The following PDE10A variants were observed in gnomAD, a reference collection of about 807,000 sequenced individuals.
The protein encoded by PDE10A is phosphodiesterase 10A, also known as cAMP and cAMP-inhibited cGMP 3',5'-cyclic phosphodiesterase 10A.
In PDE10A, 39 loss-of-function variants were observed where a neutral mutation model predicts 97.7. The observed-to-expected ratio is 0.40, with a 90% CI of 0.31 to 0.52. The LOEUF is 0.52. Among genes scored for constraint, PDE10A ranks in the 20% least tolerant of loss-of-function variants. The probability of loss-of-function intolerance (pLI) is 0.56; values close to 1 mark genes in which losing one functional copy is unlikely to be tolerated. For missense variants in PDE10A, 731 were observed against 1,047.8 expected, an observed-to-expected ratio of 0.70 and a Z score of 4.17; for synonymous variants, 371 against 376.8, an observed-to-expected ratio of 0.98 and a Z score of 0.18.
chr6:165,619,656 A>G (rs1788018224), intron 1 of PDE10A, among the ~76,000 whole-genome samples: 1 of 150,098 alleles, frequency 6.7e-6, no homozygotes, highest in Non-Finnish European at 1.5e-5. Flanking sequence ...AGTCTAGTGT[A>G]GTATAGTCTA....
chr6:165,681,162 G>T (rs1005862383), intron 1 of PDE10A, among the ~76,000 whole-genome samples: 1 of 152,122 alleles, frequency 6.6e-6, no homozygotes, highest in Non-Finnish European at 1.5e-5. Context: ...AGCGCTGCAA[G>T]GGGTAGTTCA....
intron 2 of PDE10A, among the ~76,000 whole-genome samples, chr6:165,488,695 G>A (rs1002204532): frequency 6.6e-6 from 1 of 152,096 alleles, no homozygotes; most frequent in Non-Finnish European, 1.5e-5. Context: ...GTACCCTGGG[G>A]CAAGTTCTCA....
intron 1 of PDE10A, among the ~76,000 whole-genome samples, chr6:165,777,067 C>A (rs542642546): frequency 2.3e-4 from 35 of 152,124 alleles, no homozygotes; most frequent in Non-Finnish European, 4.4e-4. Context: ...TGCTTCCCTG[C>A]GATCTTCAAA....
intron 1 of PDE10A, among the ~76,000 whole-genome samples, chr6:165,658,072 G>A (rs184644707): frequency 6.6e-6 from 1 of 152,294 alleles, no homozygotes; most frequent in East Asian, 1.9e-4. Flanking sequence ...TTCCACTGCT[G>A]AGTGTTGTTC....
At chr6:165,663,319 C>A (rs994094434), upstream of PDE10A, among the ~76,000 whole-genome samples, 2 of 152,030 alleles carry the variant, frequency 1.3e-5, no homozygotes, top group Admixed American at 6.5e-5. Context: ...CGGGACTCGG[C>A]CCCTGCGCCA....
In PDE10A at chr6:165,450,360, G is replaced by T; in HGVS notation, c.1026C>A (p.Tyr342Ter). Residue 342 changes from tyrosine (Y) to a stop codon, truncating the protein, a stop_gained and splice_region_variant, in exon 4 of 22, where the codon TAC becomes TAA. Coordinates refer to ENST00000539869, the MANE Select transcript of PDE10A (RefSeq NM_001385079.1). LOFTEE classifies it high-confidence loss of function. Reference protein sequence around the residue: ...DESAPKEVSRYQDTNMQGVVY... With the variant: ...DESAPKEVSR ...CAACTCCCTGCATATTCGTATCTTG[G>T]TACTTTGGATTAAAAATAACAAAAA... is the stretch of plus-strand genomic sequence containing the variant. 2 of 1,516,560 alleles carry T rather than the reference G, an allele frequency of 1.3e-6. No homozygotes were observed. The highest frequency in any genetic ancestry group is 1.8e-6 in the Non-Finnish European group (2 of 1,112,482). The allele number at this position is 1,516,560 out of a possible 1,614,324, so 93.9% of individuals were successfully genotyped here.
chr6:165,377,842 G>A (rs1035415094), intron 18 of PDE10A, among the ~76,000 whole-genome samples: 1 of 152,148 alleles, frequency 6.6e-6, no homozygotes, highest in South Asian at 2.1e-4. Flanking sequence ...GTGGGCTGAA[G>A]GAAAAGAAAG....
At chr6:165,871,514 G>A (rs149590473) in intron 1 of PDE10A, among the ~76,000 whole-genome samples, 3 of 152,252 alleles carry the variant, frequency 2.0e-5, no homozygotes, top group African/African-American at 7.2e-5. Context: ...CTGATTAGGT[G>A]GCACCAATTT....
rs575858507 is a variant in PDE10A, at chr6:165,719,494, G to A, written c.-614-175926C>T. Among the ~76,000 whole-genome samples the A allele has an allele frequency of 1.1e-4, 17 of 152,370 alleles. No homozygotes were observed. The East Asian group carries it at 3.1e-3, about 28-fold the overall frequency. On this transcript the variant is annotated intron_variant, in intron 1 of 19. Transcript: ENST00000366882. ...TGATTTTCACCTGGAATTCTGTACT[G>A]GTTGAACATGTTGTGGTAGGATAGA... is the stretch of plus-strand genomic sequence containing the variant.
At chr6:165,367,196 C>G (rs1356280352) in intron 18 of PDE10A, among the ~76,000 whole-genome samples, 1 of 151,208 alleles carries the variant, frequency 6.6e-6, no homozygotes, top group East Asian at 2.0e-4. Flanking sequence ...AAAAGGAAAT[C>G]CCAGAACTTG....
rs1182215866 is a variant in PDE10A at position 165,662,310 on chromosome 6, GTCCTCC to G, written c.496_501del (p.Gly166_Gly167del). 5.6e-5 allele frequency: 9 copies of G among 160,338 alleles called. No individual in the cohort carries two copies. The highest frequency in any genetic ancestry group is 1.7e-4 in the African/African-American group (7 of 40,446). The allele number at this position is 160,338 out of a possible 1,614,324, so 9.9% of individuals were successfully genotyped here. ...GGGACGCTCAAGGGAGCTGCCTCTT[GTCCTCC>G]TCCTCCTCCTCCGCCAGCATCGCCG... On this transcript the variant is annotated inframe_deletion, in exon 1 of 22. Coordinates refer to ENST00000539869, the MANE Select transcript of PDE10A (RefSeq NM_001385079.1).
At chr6:165,701,914 G>C (rs1231658373) in intron 1 of PDE10A, among the ~76,000 whole-genome samples, 1 of 152,158 alleles carries the variant, frequency 6.6e-6, no homozygotes, top group Admixed American at 6.5e-5. Flanking sequence ...AAAGGGAAGA[G>C]ACAGTCAACA....
At chr6:165,575,051 T>G (rs1785234073) in intron 1 of PDE10A, among the ~76,000 whole-genome samples, 1 of 152,186 alleles carries the variant, frequency 6.6e-6, no homozygotes, top group Non-Finnish European at 1.5e-5. Context: ...TGCCCTCAAC[T>G]GTACACTGTG....
At chr6:165,782,121 C>T (rs1051485851) in intron 1 of PDE10A, among the ~76,000 whole-genome samples, 1 of 152,186 alleles carries the variant, frequency 6.6e-6, no homozygotes, top group East Asian at 1.9e-4. Flanking sequence ...GTATGTTCAC[C>T]TTGAATTCCT....
chr6:165,830,928 T>G (rs1045864151), intron 1 of PDE10A, among the ~76,000 whole-genome samples: 6 of 152,234 alleles, frequency 3.9e-5, no homozygotes, highest in Admixed American at 2.0e-4. Context: ...ACTCTAAACT[T>G]TGAGGAGTCA....
intron 18 of PDE10A, among the ~76,000 whole-genome samples, chr6:165,346,284 G>C (rs1051410800): frequency 2.0e-5 from 3 of 152,170 alleles, no homozygotes; most frequent in African/African-American, 7.2e-5. Flanking sequence ...AGGGCAGCTT[G>C]AAGTATGGTG....
intron 2 of PDE10A, among the ~76,000 whole-genome samples, chr6:165,507,650 T>C (rs1583430688): frequency 6.6e-6 from 1 of 152,186 alleles, no homozygotes; most frequent in East Asian, 1.9e-4. Flanking sequence ...AGCTGAATGA[T>C]TTTTAGCTCC....
intron 1 of PDE10A, among the ~76,000 whole-genome samples, chr6:165,787,296 A>G (rs1221711964): frequency 6.6e-6 from 1 of 152,222 alleles, no homozygotes; most frequent in Non-Finnish European, 1.5e-5. Context: ...TGAATGCTTT[A>G]CAAGAAATGA....
At chr6:165,434,646 CCA>C (rs1474802978) in intron 6 of PDE10A, among the ~76,000 whole-genome samples, 2 of 152,062 alleles carry the variant, frequency 1.3e-5, no homozygotes, top group Admixed American at 6.5e-5. Flanking sequence ...TGTATGTTTC[CCA>C]CTACTTCTCT....
Sources: gnomAD v4.1 joint callset for allele counts (sites outside exome capture counted in the v4.1 genomes callset) on GRCh38, gnomAD v4.1.1 for gene constraint, MANE v1.5 for transcripts, NCBI Gene and HGNC (gene_info 2026-07-23, HGNC 2026-07-21) for gene names.